The following AGBL4 variants were observed in gnomAD, a reference collection of about 807,000 sequenced individuals.
AGBL4 encodes the protein AGBL carboxypeptidase 4.
In AGBL4, 58 loss-of-function variants were observed where a neutral mutation model predicts 66.4. The ratio of observed to expected loss-of-function variants is 0.87; its 90% CI spans 0.71 to 1.09. The LOEUF is 1.09. Ranked by LOEUF, AGBL4 falls within the 50% of genes least tolerant of loss-of-function variation. The pLI is 0.00. For missense variants in AGBL4, 579 were observed against 631.0 expected, an observed-to-expected ratio of 0.92 and a Z score of 0.88; for synonymous variants, 234 against 222.9, an observed-to-expected ratio of 1.05 and a Z score of -0.44.
At chr1:49,293,375 G>A (rs557115560) in intron 3 of AGBL4, among the ~76,000 whole-genome samples, 5 of 152,316 alleles carry the variant, frequency 3.3e-5, no homozygotes, top group Non-Finnish European at 7.3e-5. Flanking sequence ...GAGCCCAGCA[G>A]GCCTGAGCAA....
At chr1:49,400,031 G>A (rs1355534468) in intron 3 of AGBL4, among the ~76,000 whole-genome samples, 2 of 151,870 alleles carry the variant, frequency 1.3e-5, no homozygotes, top group Middle Eastern at 3.2e-3. Flanking sequence ...ATATGGTGAA[G>A]CATAGGTCAC....
chr1:49,152,740 T>C (rs896448049), intron 4 of AGBL4, among the ~76,000 whole-genome samples: 4 of 152,234 alleles, frequency 2.6e-5, no homozygotes, highest in Non-Finnish European at 5.9e-5. Flanking sequence ...TCTGGAGTTC[T>C]GGGAGATGAA....
intron 5 of AGBL4, among the ~76,000 whole-genome samples, chr1:48,910,009 C>CTCTA (rs1445464755): frequency 2.0e-5 from 3 of 152,150 alleles, no homozygotes; most frequent in African/African-American, 7.2e-5. Context: ...ACTTAATGGA[C>CTCTA]TCTATCTAAC....
intron 2 of AGBL4, among the ~76,000 whole-genome samples, chr1:49,708,251 C>T (rs548282020): frequency 6.6e-6 from 1 of 151,938 alleles, no homozygotes; most frequent in Non-Finnish European, 1.5e-5. Context: ...TTATTCATTC[C>T]TTTTCATTCT....
intron 1 of AGBL4, among the ~76,000 whole-genome samples, chr1:49,881,194 T>C (rs200974165): frequency 9.2e-5 from 14 of 152,154 alleles, no homozygotes; most frequent in Non-Finnish European, 2.1e-4. Context: ...CAATTTCATC[T>C]ATGTCCCTAC....
At chr1:49,307,798 T>A (rs1644873988) in intron 3 of AGBL4, among the ~76,000 whole-genome samples, 1 of 152,132 alleles carries the variant, frequency 6.6e-6, no homozygotes, top group Admixed American at 6.6e-5. Flanking sequence ...TCCAATCTGA[T>A]GAGACACATC....
In AGBL4 at chr1:49,657,037, T is replaced by C. The variant is rs532010672; in HGVS notation, c.282+40276A>G. On this transcript the variant is annotated intron_variant, in intron 3 of 13. Coordinates refer to ENST00000371839, the MANE Select transcript of AGBL4 (RefSeq NM_032785.4). ...TCAGACAGGAGAAAGAAATAAAGGGTATTCAATTAGGAAAAGAGGAAGTCA... is the reference window on the plus strand; with the variant it reads ...TCAGACAGGAGAAAGAAATAAAGGGCATTCAATTAGGAAAAGAGGAAGTCA... Among the ~76,000 whole-genome samples the C allele has an allele frequency of 4.6e-5, 7 of 152,178 alleles. No homozygotes were observed. In the South Asian group the frequency reaches 1.2e-3, roughly 27 times the overall value.
intron 3 of AGBL4, among the ~76,000 whole-genome samples, chr1:49,601,964 G>T (rs760133062): frequency 6.6e-6 from 1 of 152,024 alleles, no homozygotes; most frequent in Non-Finnish European, 1.5e-5. Context: ...CTGACAAAGG[G>T]CTAATATCCA....
intron 9 of AGBL4, among the ~76,000 whole-genome samples, chr1:48,607,593 G>A (rs958024841): frequency 1.3e-5 from 2 of 152,106 alleles, no homozygotes; most frequent in African/African-American, 2.4e-5. Flanking sequence ...ACTCCAGCCT[G>A]GGTGACAAGT....
chr1:49,930,568 A>C (rs1428203586), intron 1 of AGBL4, among the ~76,000 whole-genome samples: 2 of 152,132 alleles, frequency 1.3e-5, no homozygotes, highest in African/African-American at 2.4e-5. Context: ...TACACAAAAA[A>C]ACACATGATG....
chr1:49,969,504 C>T (rs1429586622), intron 1 of AGBL4, among the ~76,000 whole-genome samples: 1 of 152,044 alleles, frequency 6.6e-6, no homozygotes, highest in African/African-American at 2.4e-5. Context: ...ACTTTTTACC[C>T]TTAACTAATA....
intron 5 of AGBL4, among the ~76,000 whole-genome samples, chr1:48,867,989 C>A (rs931161333): frequency 2.6e-5 from 4 of 152,084 alleles, no homozygotes; most frequent in Middle Eastern, 3.2e-3. Flanking sequence ...GCCATGAAAA[C>A]CTGAGGGTAG....
rs576611799 is a variant in AGBL4, at chr1:49,210,627, G to A, written c.377+35143C>T. On this transcript the variant is annotated intron_variant, in intron 4 of 13. Transcript: ENST00000371839. Reference sequence around the variant, plus strand: ...CCCATCCCTAACTACTTGAAAATGCGTTAATCATTTTAAATCTCCCCAACC... The same window carrying A: ...CCCATCCCTAACTACTTGAAAATGCATTAATCATTTTAAATCTCCCCAACC... Among the ~76,000 whole-genome samples the A allele has an allele frequency of 1.1e-3, 171 of 152,106 alleles. 2 individuals are homozygous for A. The highest frequency in any genetic ancestry group is 1.8e-3 in the Non-Finnish European group (121 of 67,966).
chr1:49,676,111 C>T (rs1646573509), intron 3 of AGBL4, among the ~76,000 whole-genome samples: 1 of 152,022 alleles, frequency 6.6e-6, no homozygotes, highest in Non-Finnish European at 1.5e-5. Context: ...AGAAAACAAA[C>T]ACCCAGAGAG....
intron 3 of AGBL4, among the ~76,000 whole-genome samples, chr1:49,450,149 A>G (rs1570745400): frequency 6.6e-6 from 1 of 152,064 alleles, no homozygotes; most frequent in African/African-American, 2.4e-5. Context: ...CCCCTTCTCA[A>G]TTTAGGATTC....
intron 2 of AGBL4, among the ~76,000 whole-genome samples, chr1:49,781,032 G>C (rs1436920325): frequency 6.6e-6 from 1 of 151,920 alleles, no homozygotes; most frequent in African/African-American, 2.4e-5. Context: ...GGTGGAAAAA[G>C]GTATACCACA....
chr1:48,599,960 G>A (rs1645050699), intron 9 of AGBL4, among the ~76,000 whole-genome samples: 1 of 152,144 alleles, frequency 6.6e-6, no homozygotes, highest in African/African-American at 2.4e-5. Flanking sequence ...GAGTCTGGAG[G>A]CCTCTAAAGT....
intron 1 of AGBL4, among the ~76,000 whole-genome samples, chr1:49,872,796 T>G (rs1341257241): frequency 1.3e-5 from 2 of 152,108 alleles, no homozygotes; most frequent in Non-Finnish European, 2.9e-5. Flanking sequence ...TACTATAATT[T>G]TGTCTTTAAC....
At chr1:49,781,494 T>C (rs1412399964) in intron 2 of AGBL4, among the ~76,000 whole-genome samples, 1 of 152,064 alleles carries the variant, frequency 6.6e-6, no homozygotes, top group Non-Finnish European at 1.5e-5. Flanking sequence ...CCAAAATATA[T>C]GAAGCAAAAC....
Sources: allele counts gnomAD v4.1 joint callset (sites outside exome capture counted in the v4.1 genomes callset), GRCh38; gene constraint gnomAD v4.1.1; transcripts MANE v1.5; gene names NCBI Gene and HGNC (gene_info 2026-07-23, HGNC 2026-07-21).